The following GRIP1 variants were observed in gnomAD, a reference collection of about 807,000 sequenced individuals.
The protein encoded by GRIP1 is glutamate receptor-interacting protein 1.
Under a neutral mutation model 129.9 loss-of-function variants are expected in GRIP1, and 45 were observed. The ratio of observed to expected loss-of-function variants is 0.35; its 90% CI spans 0.27 to 0.44. The LOEUF (loss-of-function observed/expected upper bound fraction) is 0.44, where lower values mean the gene tolerates loss of function less well. GRIP1 is among the 20% of genes least tolerant of loss of function. The probability of loss-of-function intolerance (pLI) is 1.00; values close to 1 mark genes in which losing one functional copy is unlikely to be tolerated. For missense variants in GRIP1, 1,196 were observed against 1,396.8 expected, an observed-to-expected ratio of 0.86 and a Z score of 2.29; for synonymous variants, 530 against 520.8, an observed-to-expected ratio of 1.02 and a Z score of -0.24.
chr12:66,525,841 T>A lies in GRIP1; in HGVS notation c.502+3990A>T, dbSNP rs903490065. ...AAGCAACTTCAGCAAAGTCTCAGGA[T>A]ACAAAATCAATGTACAAAAATCACA... On this transcript the variant is annotated intron_variant, in intron 5 of 24. Transcript: ENST00000359742. Among the ~76,000 whole-genome samples the A allele has an allele frequency of 1.6e-3, 240 of 152,082 alleles. 1 individual carries two copies. Among genetic ancestry groups the A allele is most frequent in the African/African-American group, 5.4e-3 (223 of 41,498 alleles).
At chr12:66,965,193 C>T (rs904265636) in intron 1 of GRIP1, among the ~76,000 whole-genome samples, 1 of 152,020 alleles carries the variant, frequency 6.6e-6, no homozygotes, top group Non-Finnish European at 1.5e-5. Flanking sequence ...TCCCCATTCC[C>T]ATATTATTTT....
intron 1 of GRIP1, among the ~76,000 whole-genome samples, chr12:66,633,187 G>A (rs866154018): frequency 2.0e-5 from 3 of 148,336 alleles, no homozygotes; most frequent in South Asian, 2.1e-4. Flanking sequence ...TAATTTTTGT[G>A]TGTGTATGTG....
chr12:66,964,267 C>G (rs1025098906), intron 1 of GRIP1, among the ~76,000 whole-genome samples: 12 of 152,030 alleles, frequency 7.9e-5, no homozygotes, highest in African/African-American at 2.2e-4. Flanking sequence ...CAGAAATATA[C>G]CAGTTAACAA....
intron 1 of GRIP1, among the ~76,000 whole-genome samples, chr12:66,632,502 A>G (rs552040600): frequency 6.6e-6 from 1 of 152,120 alleles, no homozygotes; most frequent in South Asian, 2.1e-4. Context: ...CCTTTTTCCC[A>G]TGCTTCCTTC....
chr12:66,404,230 A>G (rs867885880), intron 16 of GRIP1, among the ~76,000 whole-genome samples: 1 of 152,238 alleles, frequency 6.6e-6, no homozygotes, highest in Non-Finnish European at 1.5e-5. Context: ...TATAATCATT[A>G]TTATCAATTG....
intron 1 of GRIP1, among the ~76,000 whole-genome samples, chr12:66,723,315 T>TCC (rs1565988233): frequency 3.2e-5 from 3 of 92,680 alleles, no homozygotes; most frequent in African/African-American, 1.5e-4. Flanking sequence ...TTTTTTTTTT[T>TCC]TTTTTTTTTT....
At chr12:66,898,387 A>G (rs1269560223) in intron 1 of GRIP1, among the ~76,000 whole-genome samples, 1 of 152,146 alleles carries the variant, frequency 6.6e-6, no homozygotes, top group Non-Finnish European at 1.5e-5. Flanking sequence ...CGATGGGGAG[A>G]GAGAACATTG....
intron 7 of GRIP1, among the ~76,000 whole-genome samples, chr12:66,489,508 C>T (rs989466905): frequency 3.3e-5 from 5 of 152,132 alleles, no homozygotes; most frequent in African/African-American, 1.2e-4. Flanking sequence ...TGGCCAATAT[C>T]ATACTGAATG....
chr12:66,623,094 CGAAT>C (rs1475131168), intron 1 of GRIP1, among the ~76,000 whole-genome samples: 3 of 151,862 alleles, frequency 2.0e-5, no homozygotes, highest in Non-Finnish European at 2.9e-5. Flanking sequence ...AGGTAACTGC[CGAAT>C]GAATGAATGA....
intron 1 of GRIP1, among the ~76,000 whole-genome samples, chr12:66,848,066 G>A (rs1018514292): frequency 4.3e-4 from 65 of 152,114 alleles, no homozygotes; most frequent in African/African-American, 1.4e-3. Context: ...TATCATATCC[G>A]ACTTTCAAAT....
chr12:66,516,004 C>G (rs2060834578), intron 6 of GRIP1, among the ~76,000 whole-genome samples: 1 of 151,956 alleles, frequency 6.6e-6, no homozygotes, highest in Admixed American at 6.6e-5. Context: ...ACCTAATTAC[C>G]CACAGGTAAT....
chr12:66,711,694 T>C (rs1185403402), intron 1 of GRIP1, among the ~76,000 whole-genome samples: 1 of 151,720 alleles, frequency 6.6e-6, no homozygotes, highest in Non-Finnish European at 1.5e-5. Context: ...AGAGCATGAG[T>C]GCACAAATAA....
At chr12:66,422,684 A>C (rs1277392295) in intron 14 of GRIP1, among the ~76,000 whole-genome samples, 1 of 152,216 alleles carries the variant, frequency 6.6e-6, no homozygotes, top group Non-Finnish European at 1.5e-5. Context: ...GAAAGAGAGA[A>C]ATATAGCACT....
At chr12:66,587,877 T>A (rs2063700983) in intron 2 of GRIP1, among the ~76,000 whole-genome samples, 1 of 152,208 alleles carries the variant, frequency 6.6e-6, no homozygotes, top group African/African-American at 2.4e-5. Flanking sequence ...TGCTGTAAAG[T>A]ATTTCCACCC....
chr12:66,787,361 T>TAC (rs1287491852), intron 1 of GRIP1, among the ~76,000 whole-genome samples: 1 of 144,760 alleles, frequency 6.9e-6, no homozygotes, highest in Non-Finnish European at 1.6e-5. Context: ...CAAAAATTCT[T>TAC]ACTGAGGAGG....
At chr12:66,676,790 T>TTTAATATTG (rs750730230) in intron 1 of GRIP1, among the ~76,000 whole-genome samples, 65 of 152,236 alleles carry the variant, frequency 4.3e-4, no homozygotes, top group Middle Eastern at 3.4e-3. Context: ...GAAAGGTCAT[T>TTTAATATTG]TTAATATTGT....
upstream of GRIP1, among the ~76,000 whole-genome samples, chr12:66,679,444 CAAAAAAAAA>C (rs10691128): frequency 0.016 from 1,878 of 117,446 alleles, 56 homozygotes; most frequent in African/African-American, 0.058. Flanking sequence ...AAACAACAAC[CAAAAAAAAA>C]AAAAAAAAAA....
chr12:66,918,702 C>T (rs1185067997), intron 1 of GRIP1, among the ~76,000 whole-genome samples: 1 of 152,100 alleles, frequency 6.6e-6, no homozygotes, highest in African/African-American at 2.4e-5. Flanking sequence ...CAAGAGCTCC[C>T]TGTTATTTAT....
At chr12:66,900,675 G>A (rs2040830233) in intron 1 of GRIP1, among the ~76,000 whole-genome samples, 1 of 152,158 alleles carries the variant, frequency 6.6e-6, no homozygotes, top group South Asian at 2.1e-4. Flanking sequence ...AAAAGAGGAG[G>A]AAGAAGGGAA....
Sources: allele counts gnomAD v4.1 joint callset (sites outside exome capture counted in the v4.1 genomes callset), GRCh38; gene constraint gnomAD v4.1.1; transcripts MANE v1.5; gene names NCBI Gene and HGNC (gene_info 2026-07-23, HGNC 2026-07-21).